The following DCC variants were observed in gnomAD, a reference collection of about 807,000 sequenced individuals.
The protein encoded by DCC is DCC netrin 1 receptor.
Under a neutral mutation model 172.5 loss-of-function variants are expected in DCC, and 58 were observed. The ratio of observed to expected loss-of-function variants is 0.34; its 90% CI spans 0.27 to 0.42. The LOEUF is 0.42. Among genes scored for constraint, DCC ranks in the 10% least tolerant of loss-of-function variants. The pLI, the probability that DCC is intolerant of heterozygous loss-of-function variation, is 1.00. For missense variants in DCC, 1,740 were observed against 1,791.0 expected (o/e 0.97, Z 0.51); for synonymous variants, 709 against 644.5 (o/e 1.10, Z -1.52).
At chr18:52,385,882 T>G (rs551738735) in intron 1 of DCC, among the ~76,000 whole-genome samples, 1 of 152,270 alleles carries the variant, frequency 6.6e-6, no homozygotes, top group Non-Finnish European at 1.5e-5. Flanking sequence ...CACATATTGG[T>G]GCTGCGAGCT....
At chr18:52,767,870 T>G (rs1466748164) in intron 2 of DCC, among the ~76,000 whole-genome samples, 3 of 152,170 alleles carry the variant, frequency 2.0e-5, no homozygotes, top group African/African-American at 7.2e-5. Context: ...TCAGAAAATG[T>G]GAATAAGATT....
chr18:53,472,716 A>C (rs745773455), intron 25 of DCC, among the ~76,000 whole-genome samples: 2 of 152,152 alleles, frequency 1.3e-5, no homozygotes, highest in Non-Finnish European at 2.9e-5. Context: ...CTTCCTAGCT[A>C]AGTCTTCCCG....
rs571527607 is a variant in DCC, at chr18:53,524,554, G to A, written c.4112-2063G>A. On this transcript the variant is annotated intron_variant, in intron 27 of 28. Coordinates refer to ENST00000442544, the MANE Select transcript of DCC (RefSeq NM_005215.4). ...GTATGATGCTTATAGCAAGTTTTAT[G>A]TTTGTATATATTTTAAAAATATTGG... Among the ~76,000 whole-genome samples, 24 of 152,122 alleles carry A rather than the reference G, an allele frequency of 1.6e-4. No individual in the cohort carries two copies. The South Asian group carries it at 4.8e-3, about 30-fold the overall frequency.
intron 5 of DCC, among the ~76,000 whole-genome samples, chr18:52,953,520 C>G (rs2145553609): frequency 6.6e-6 from 1 of 152,266 alleles, no homozygotes; most frequent in South Asian, 2.1e-4. Flanking sequence ...GTGGCCTGTC[C>G]CTACCCACTG....
rs116882359 is a variant in DCC at position 53,003,046 on chromosome 18, G to T, written c.986-60259G>T. The stretch of plus-strand genomic sequence containing the variant: ...GTTTTGTAGGAGCCAAGGGTACATA[G>T]CTTTAGGGGGAAAAGTTGGTAATGT... On this transcript the variant is annotated intron_variant, in intron 5 of 28. Transcript: ENST00000442544. Among the ~76,000 whole-genome samples the T allele has an allele frequency of 3.7e-3, 562 of 152,178 alleles. 10 individuals carry two copies. Among genetic ancestry groups the T allele is most frequent in the East Asian group, 0.021 (111 of 5,174 alleles).
At chr18:52,967,288 C>T (rs774673980) in intron 5 of DCC, among the ~76,000 whole-genome samples, 18 of 152,110 alleles carry the variant, frequency 1.2e-4, no homozygotes, top group Non-Finnish European at 1.6e-4. Flanking sequence ...CCAACCCAAA[C>T]GCCTCTGTAG....
chr18:52,364,872 T>G (rs2120311), intron 1 of DCC, among the ~76,000 whole-genome samples: 149,869 of 152,286 alleles, frequency 0.98, 73,766 homozygotes, highest in South Asian at 1. Context: ...CTGAATGAGT[T>G]TCTTGGGTGA....
At chr18:53,476,996 C>T (rs2045771177) in intron 25 of DCC, among the ~76,000 whole-genome samples, 1 of 152,080 alleles carries the variant, frequency 6.6e-6, no homozygotes, top group Admixed American at 6.6e-5. Context: ...AACATATAAA[C>T]ACAGTTAATT....
Position 52,755,013 on chromosome 18 carries a change from T to C in DCC, c.412+2639T>C, listed in dbSNP as rs1285558916. 2.0e-5 allele frequency among the ~76,000 whole-genome samples: 3 copies of C among 152,164 alleles called. No homozygotes were observed. The South Asian group carries it at 6.2e-4, about 31-fold the overall frequency. On this transcript the variant is annotated intron_variant, in intron 2 of 28. Coordinates refer to ENST00000442544, the MANE Select transcript of DCC (RefSeq NM_005215.4). ...AAATTTGATTGATGAGTATAAAGTG[T>C]AGAGAGAACTGAATGTTAATGTTAA...
At chr18:53,078,600 A>G (rs2042754634) in intron 7 of DCC, among the ~76,000 whole-genome samples, 1 of 152,000 alleles carries the variant, frequency 6.6e-6, no homozygotes, top group East Asian at 1.9e-4. Context: ...GGTTAAAAAA[A>G]AGAGAAATAA....
intron 11 of DCC, 116 bp from the exon 12 acceptor site, chr18:53,215,432 C>A (rs965137662): frequency 3.5e-6 from 3 of 861,094 alleles, no homozygotes; most frequent in African/African-American, 3.3e-5. Context: ...GGTTAACCTA[C>A]CTAATTATCA....
chr18:53,388,047 G>A (rs182514714), intron 16 of DCC, among the ~76,000 whole-genome samples: 199 of 152,174 alleles, frequency 1.3e-3, no homozygotes, highest in Non-Finnish European at 2.2e-3. Flanking sequence ...TTCCCAAGGT[G>A]GTTTCAAAAA....
intron 9 of DCC, among the ~76,000 whole-genome samples, chr18:53,197,234 T>G (rs1004973291): frequency 6.6e-5 from 10 of 152,054 alleles, no homozygotes; most frequent in African/African-American, 2.4e-4. Context: ...TACAGATGAT[T>G]ACTTAGGTCC....
Position 52,780,154 on chromosome 18 carries a change from C to T in DCC, c.412+27780C>T, listed in dbSNP as rs1240264578. ...TTCTAGTACATCATATTTATTTTTG[C>T]CTGACTCTTTACATAGTATTTTTAG... On this transcript the variant is annotated intron_variant, in intron 2 of 28. Transcript: ENST00000442544. 2.0e-5 allele frequency among the ~76,000 whole-genome samples: 3 copies of T among 152,016 alleles called. No homozygotes were observed. The East Asian group carries it at 5.8e-4, about 29-fold the overall frequency.
At chr18:52,780,426 T>C (rs922919677) in intron 2 of DCC, among the ~76,000 whole-genome samples, 2 of 152,058 alleles carry the variant, frequency 1.3e-5, no homozygotes, top group South Asian at 4.1e-4. Flanking sequence ...AGTAATATTT[T>C]CCTCATCATA....
chr18:52,374,739 G>A (rs1316678995), intron 1 of DCC, among the ~76,000 whole-genome samples: 1 of 152,138 alleles, frequency 6.6e-6, no homozygotes, highest in Non-Finnish European at 1.5e-5. Context: ...AACAGCCTAA[G>A]ACTCTACTGG....
chr18:53,136,562 C>T (rs887832132), intron 7 of DCC, among the ~76,000 whole-genome samples: 4 of 152,060 alleles, frequency 2.6e-5, no homozygotes, highest in Non-Finnish European at 4.4e-5. Context: ...TAGGAGATGA[C>T]AACTGAATAT....
In DCC at chr18:53,428,398, TATA is replaced by T. The variant is rs1224354435; in HGVS notation, c.3164-6742_3164-6740del. Among the ~76,000 whole-genome samples, 445 of 69,832 alleles carry T rather than the reference TATA, an allele frequency of 6.4e-3. 31 individuals carry two copies. Among genetic ancestry groups the T allele is most frequent in the African/African-American group, 0.021 (426 of 20,004 alleles). 45.8% of individuals were successfully genotyped at this position (69,832 alleles called of 152,430 possible). ...TTATAATATATTGTATATAATATAA[TATA>T]ATATATTACATATATAATATAATAT... On this transcript the variant is annotated intron_variant, in intron 21 of 28. Coordinates refer to ENST00000442544, the MANE Select transcript of DCC (RefSeq NM_005215.4).
At chr18:52,898,253 T>A (rs952768026) in intron 2 of DCC, among the ~76,000 whole-genome samples, 3 of 152,168 alleles carry the variant, frequency 2.0e-5, no homozygotes, top group Non-Finnish European at 2.9e-5. Flanking sequence ...TACTTAATAA[T>A]TAGACCTTCC....
Sources: allele counts gnomAD v4.1 joint callset (sites outside exome capture counted in the v4.1 genomes callset), GRCh38; gene constraint gnomAD v4.1.1; transcripts MANE v1.5; gene names NCBI Gene and HGNC (gene_info 2026-07-23, HGNC 2026-07-21).